Variants in OTUD7A observed in about 807,000 individuals in gnomAD.
OTUD7A encodes the protein OTU domain-containing protein 7A.
OTUD7A carries 12 observed loss-of-function variants against 65.7 expected under a neutral mutation model. That is an observed-to-expected ratio of 0.18 (90% CI 0.12 to 0.30). OTUD7A has a LOEUF of 0.30. Among genes scored for constraint, OTUD7A ranks in the 10% least tolerant of loss-of-function variants. The pLI is 1.00. For missense variants in OTUD7A, 1,148 were observed against 1,304.8 expected, an observed-to-expected ratio of 0.88 and a Z score of 1.85; for synonymous variants, 641 against 586.3, an observed-to-expected ratio of 1.09 and a Z score of -1.35.
chr15:31,486,001 G>A (rs1003223872), intron 12 of OTUD7A, among the ~76,000 whole-genome samples: 2 of 152,174 alleles, frequency 1.3e-5, no homozygotes, highest in African/African-American at 2.4e-5. Flanking sequence ...ACTCGGGCTG[G>A]GCCAGGAAGG....
At chr15:31,803,114 C>T (rs1380692615) in intron 1 of OTUD7A, among the ~76,000 whole-genome samples, 1 of 152,116 alleles carries the variant, frequency 6.6e-6, no homozygotes, top group Non-Finnish European at 1.5e-5. Context: ...AGTTGAAAAC[C>T]ACTAAATCCA....
In OTUD7A at chr15:31,526,373, C is replaced by A; in HGVS notation, c.869G>T (p.Ser290Ile). 1 of 1,600,572 alleles carries A rather than the reference C, an allele frequency of 6.2e-7. No individual in the cohort carries two copies. The change falls in exon 8 of 13, where the codon AGC (serine) becomes ATC (isoleucine). Residue 290 changes from serine to isoleucine, a missense_variant. Ser to Ile is a moderately radical substitution (Grantham distance 142). Around this residue, in one of 6 missense-constraint regions of OTUD7A, gnomAD observed 25 missense variants for 18.7 expected, o/e 1.34. Coordinates refer to ENST00000307050, the MANE Select transcript of OTUD7A (RefSeq NM_001382637.1). ...LASSEPRTHFSKNGGTGGGVD... is the reference protein window; with the variant it reads ...LASSEPRTHFIKNGGTGGGVD... ...CCCCCCGCCCGTGCCGCCATTCTTG[C>A]TGAAGTGTGTGCGCGGCTCGCTGGA...
At chr15:31,751,491 A>G (rs972758927) in intron 1 of OTUD7A, among the ~76,000 whole-genome samples, 10 of 152,220 alleles carry the variant, frequency 6.6e-5, no homozygotes, top group Non-Finnish European at 1.2e-4. Context: ...CAGCCACTGC[A>G]GAAAGCAGTT....
chr15:31,766,725 G>A, intron 1 of OTUD7A: 1 of 1,609,872 alleles, frequency 6.2e-7, no homozygotes, highest in South Asian at 1.1e-5. Context: ...TCAAAGTAGA[G>A]GTTCTCTTAA....
At chr15:31,590,706 G>A (rs893146412) in intron 3 of OTUD7A, among the ~76,000 whole-genome samples, 2 of 152,148 alleles carry the variant, frequency 1.3e-5, no homozygotes, top group Non-Finnish European at 2.9e-5. Flanking sequence ...AGATGCTTGG[G>A]TTCTCTGTAC....
At chr15:31,744,655 T>C (rs1894429922) in intron 1 of OTUD7A, among the ~76,000 whole-genome samples, 1 of 152,146 alleles carries the variant, frequency 6.6e-6, no homozygotes, top group African/African-American at 2.4e-5. Context: ...AAGTTAGGCA[T>C]ATTTAGTCTT....
intron 1 of OTUD7A, among the ~76,000 whole-genome samples, chr15:31,735,962 A>C (rs534591130): frequency 6.6e-6 from 1 of 152,340 alleles, no homozygotes; most frequent in South Asian, 2.1e-4. Context: ...ACGCAGGAAA[A>C]GAAAATCAAA....
chr15:31,684,919 G>A (rs1421722414), intron 1 of OTUD7A, among the ~76,000 whole-genome samples: 2 of 148,092 alleles, frequency 1.4e-5, no homozygotes, highest in East Asian at 2.0e-4. Flanking sequence ...TGGCCTTGCA[G>A]TATCTACACC....
At position 31,483,214 on chromosome 15, in the gene OTUD7A, G is replaced by A. The variant is rs902677755; in HGVS notation, c.*80C>T. On this transcript the variant is annotated 3_prime_UTR_variant, in exon 13 of 13. Coordinates refer to ENST00000307050, the MANE Select transcript of OTUD7A (RefSeq NM_001382637.1). ...AGGCGCCGGCCTTCCGGTGGACCAGGGCATGTAAAAAAGACACCGACACAA... is the reference window on the plus strand; with the variant it reads ...AGGCGCCGGCCTTCCGGTGGACCAGAGCATGTAAAAAAGACACCGACACAA... 13 of 1,036,502 alleles carry A rather than the reference G, an allele frequency of 1.3e-5. No individual in the cohort carries two copies. The highest frequency in any genetic ancestry group is 5.5e-5 in the Admixed American group (1 of 18,174). 64.2% of individuals were successfully genotyped at this position (1,036,502 alleles called of 1,614,324 possible).
chr15:31,725,091 C>A (rs995424801), intron 1 of OTUD7A, among the ~76,000 whole-genome samples: 4 of 152,084 alleles, frequency 2.6e-5, no homozygotes, highest in African/African-American at 9.7e-5. Context: ...GAGCCCAGAG[C>A]CCCCCACATG....
chr15:31,766,771 G>A (rs528511566), intron 1 of OTUD7A: 1 of 1,612,744 alleles, frequency 6.2e-7, no homozygotes, highest in South Asian at 1.1e-5. Flanking sequence ...ATTTTCCTCT[G>A]AATGAAGATT....
intron 1 of OTUD7A, among the ~76,000 whole-genome samples, chr15:31,774,336 AC>A (rs1482675547): frequency 6.6e-6 from 1 of 152,242 alleles, no homozygotes; most frequent in African/African-American, 2.4e-5. Flanking sequence ...TGTGCCTTGC[AC>A]CTAGGGGCCT....
chr15:31,484,247 C>G lies in OTUD7A; in HGVS notation c.1849G>C (p.Asp617His). ...ACATCCGTGCTGTACTTCCAGGCGT[C>G]GCCCCGCGGCCCACCGCCCTTCTCC... ...PAEKGGGPRG[D>H]AWKYSTDVKL... The change falls in exon 13 of 13, where the codon GAC becomes CAC. Residue 617 changes from aspartate (D) to histidine (H), a missense_variant. Coordinates refer to ENST00000307050, the MANE Select transcript of OTUD7A (RefSeq NM_001382637.1). The surrounding 1 kb of genome is among the most constrained non-coding windows in gnomAD (Gnocchi z 4.5). The G allele has an allele frequency of 6.3e-7, 1 of 1,597,940 alleles. No individual in the cohort carries two copies. The highest frequency in any genetic ancestry group is 8.5e-7 in the Non-Finnish European group (1 of 1,174,560).
chr15:31,733,986 A>T (rs981681739), intron 1 of OTUD7A, among the ~76,000 whole-genome samples: 13 of 152,192 alleles, frequency 8.5e-5, no homozygotes, highest in African/African-American at 3.1e-4. Flanking sequence ...AATTTTTTCA[A>T]AATTAACCCA....
At chr15:31,686,583 C>G (rs912103557) in intron 1 of OTUD7A, among the ~76,000 whole-genome samples, 3 of 152,114 alleles carry the variant, frequency 2.0e-5, no homozygotes, top group Non-Finnish European at 2.9e-5. Context: ...ATCCAGAGGA[C>G]GAGGAGACAA....
intron 3 of OTUD7A, among the ~76,000 whole-genome samples, chr15:31,586,973 A>G (rs545488025): frequency 1.3e-5 from 2 of 152,150 alleles, no homozygotes; most frequent in African/African-American, 4.8e-5. Flanking sequence ...TGTGAGTGCC[A>G]TCTAAATACT....
intron 3 of OTUD7A, among the ~76,000 whole-genome samples, chr15:31,615,836 G>A (rs1381167614): frequency 6.6e-6 from 1 of 152,214 alleles, no homozygotes; most frequent in Non-Finnish European, 1.5e-5. Context: ...GACCCCACAG[G>A]CACAGGCTTC....
intron 1 of OTUD7A, chr15:31,787,452 A>G (rs1476191402): frequency 1.3e-5 from 2 of 152,222 alleles, no homozygotes; most frequent in African/African-American, 4.8e-5. Flanking sequence ...TTAAAGATGG[A>G]GGGAAATTCA....
In OTUD7A at chr15:31,663,350, G is replaced by A. The variant is rs561026907; in HGVS notation, c.-99-6273C>T. Among the ~76,000 whole-genome samples the A allele has an allele frequency of 1.7e-3, 258 of 151,856 alleles. 1 individual carries two copies. Among genetic ancestry groups the A allele is most frequent in the African/African-American group, 5.9e-3 (244 of 41,338 alleles). On this transcript the variant is annotated intron_variant, in intron 1 of 12. Coordinates refer to ENST00000307050, the MANE Select transcript of OTUD7A (RefSeq NM_001382637.1). ...GTGCAGGTTTGTTACATAGGTAAAC[G>A]TGTGCCATGGTGGTTTGTTGTACCT...
Sources: gnomAD v4.1 joint callset for allele counts (sites outside exome capture counted in the v4.1 genomes callset) on GRCh38, gnomAD v4.1.1 for gene constraint, gnomAD v4.1.1 regional missense constraint, Gnocchi (gnomAD v3.1) non-coding constraint, MANE v1.5 for transcripts, NCBI Gene and HGNC (gene_info 2026-07-23, HGNC 2026-07-21) for gene names.